NEK11: variants seen among roughly 807,000 people sequenced by gnomAD.
NEK11 encodes serine/threonine-protein kinase Nek11.
In NEK11, 72 loss-of-function variants were observed where a neutral mutation model predicts 80.7. The observed-to-expected ratio is 0.89, with a 90% confidence interval of 0.74 to 1.08. The LOEUF is 1.08. Ranked by LOEUF, NEK11 falls within the 50% of genes least tolerant of loss-of-function variation. The pLI is 0.00. For missense variants in NEK11, 764 were observed against 763.6 expected, an observed-to-expected ratio of 1.00 and a Z score of -0.01; for synonymous variants, 251 against 260.7, an observed-to-expected ratio of 0.96 and a Z score of 0.36.
intron 14 of NEK11, among the ~76,000 whole-genome samples, chr3:131,224,832 A>T (rs978229762): frequency 2.0e-5 from 3 of 152,226 alleles, no homozygotes; most frequent in African/African-American, 7.2e-5. Context: ...ATGCTTATTG[A>T]CTATCTCCTA....
At chr3:131,301,733 G>A (rs2096663366) in intron 17 of NEK11, among the ~76,000 whole-genome samples, 1 of 152,196 alleles carries the variant, frequency 6.6e-6, no homozygotes, top group South Asian at 2.1e-4. Context: ...AAGCCTACTT[G>A]ATCATGGTGG....
At chr3:131,218,193 G>T (rs2094905958) in intron 14 of NEK11, among the ~76,000 whole-genome samples, 1 of 152,146 alleles carries the variant, frequency 6.6e-6, no homozygotes, top group South Asian at 2.1e-4. Flanking sequence ...TCTTTAGATG[G>T]GTTCCTTAGA....
chr3:131,293,028 A>C (rs1011806805), intron 17 of NEK11, among the ~76,000 whole-genome samples: 1 of 152,166 alleles, frequency 6.6e-6, no homozygotes. Context: ...CAATCGTGTC[A>C]TCACTGAAGG....
intron 3 of NEK11, among the ~76,000 whole-genome samples, chr3:131,030,083 T>C (rs1470215070): frequency 1.3e-5 from 2 of 152,016 alleles, no homozygotes; most frequent in Non-Finnish European, 2.9e-5. Context: ...CTACTAAAAA[T>C]ACAAAAATTA....
intron 17 of NEK11, among the ~76,000 whole-genome samples, chr3:131,324,121 G>A (rs2096929747): frequency 6.6e-6 from 1 of 152,218 alleles, no homozygotes. Flanking sequence ...TCTGGTTGCA[G>A]CAGGGACAGC....
chr3:131,178,569 G>A (rs951020209), intron 14 of NEK11, among the ~76,000 whole-genome samples: 2 of 152,056 alleles, frequency 1.3e-5, no homozygotes, highest in Admixed American at 6.5e-5. Flanking sequence ...TCCATATCTC[G>A]TCCCACTGGG....
At chr3:131,088,832 C>T (rs2076355520) in intron 4 of NEK11, among the ~76,000 whole-genome samples, 1 of 151,986 alleles carries the variant, frequency 6.6e-6, no homozygotes, top group Non-Finnish European at 1.5e-5. Context: ...TCTTGTTTTG[C>T]TTTTAAGAGC....
At chr3:131,035,675 T>A (rs1577251050) in intron 3 of NEK11, among the ~76,000 whole-genome samples, 1 of 148,752 alleles carries the variant, frequency 6.7e-6, no homozygotes, top group Non-Finnish European at 1.5e-5. Context: ...GTTCCTAGGA[T>A]GAACAGTACC....
intron 5 of NEK11, among the ~76,000 whole-genome samples, chr3:131,121,343 T>C (rs913497635): frequency 6.6e-6 from 1 of 152,228 alleles, no homozygotes; most frequent in Non-Finnish European, 1.5e-5. Flanking sequence ...ATCCTTCCTC[T>C]GGAAGCTTGG....
At chr3:131,158,587 G>T (rs1023065993) in intron 10 of NEK11, among the ~76,000 whole-genome samples, 8 of 152,174 alleles carry the variant, frequency 5.3e-5, no homozygotes, top group Non-Finnish European at 1.2e-4. Flanking sequence ...ATGCACAGAG[G>T]TTGCACACAG....
intron 14 of NEK11, among the ~76,000 whole-genome samples, chr3:131,180,653 A>G (rs553952349): frequency 1.3e-5 from 2 of 152,338 alleles, no homozygotes; most frequent in African/African-American, 4.8e-5. Context: ...TGACCAATAC[A>G]ATTGAGAAAT....
chr3:131,260,539 C>T (rs73220525), intron 16 of NEK11, among the ~76,000 whole-genome samples: 2,775 of 152,194 alleles, frequency 0.018, 43 homozygotes, highest in Middle Eastern at 0.044. Context: ...ATTCATTTAC[C>T]TATTGCCTAT....
chr3:131,030,915 G>A (rs1349947275), intron 3 of NEK11, among the ~76,000 whole-genome samples: 1 of 152,158 alleles, frequency 6.6e-6, no homozygotes, highest in Non-Finnish European at 1.5e-5. Flanking sequence ...CAGAAACACA[G>A]GAGGAACAGA....
intron 5 of NEK11, among the ~76,000 whole-genome samples, chr3:131,117,101 T>C (rs1164251912): frequency 2.0e-5 from 3 of 152,238 alleles, no homozygotes; most frequent in Non-Finnish European, 4.4e-5. Context: ...AGGGTTTTTA[T>C]GGTTTTAGGT....
At chr3:131,031,205 G>T (rs1186801470) in intron 3 of NEK11, among the ~76,000 whole-genome samples, 1 of 152,196 alleles carries the variant, frequency 6.6e-6, no homozygotes, top group African/African-American at 2.4e-5. Context: ...TTTAAAAGCT[G>T]TAATTATCTA....
At chr3:131,139,222 T>G (rs2086295013) in intron 7 of NEK11, among the ~76,000 whole-genome samples, 1 of 151,480 alleles carries the variant, frequency 6.6e-6, no homozygotes, top group South Asian at 2.1e-4. Context: ...GTTCTGGACT[T>G]GAGAAATCCA....
At chr3:131,037,809 CAT>C (rs2065877572) in intron 3 of NEK11, among the ~76,000 whole-genome samples, 2 of 152,076 alleles carry the variant, frequency 1.3e-5, no homozygotes, top group Admixed American at 1.3e-4. Context: ...TTAAACAAAA[CAT>C]CAATAGATTT....
chr3:131,179,267 G>A (rs562490235), intron 14 of NEK11, among the ~76,000 whole-genome samples: 6 of 152,290 alleles, frequency 3.9e-5, no homozygotes, highest in African/African-American at 1.2e-4. Context: ...CCAGGACTGT[G>A]AGAAATAAAT....
At chr3:131,072,527 A>G (rs1196635766) in intron 3 of NEK11, among the ~76,000 whole-genome samples, 1 of 152,130 alleles carries the variant, frequency 6.6e-6, no homozygotes, top group Non-Finnish European at 1.5e-5. Flanking sequence ...ACAATATTCG[A>G]TGACTCTGCC....
Sources: allele counts gnomAD v4.1 joint callset (sites outside exome capture counted in the v4.1 genomes callset), GRCh38; gene constraint gnomAD v4.1.1; transcripts MANE v1.5; gene names NCBI Gene and HGNC (gene_info 2026-07-23, HGNC 2026-07-21).